The following PIP5K1A variants were observed in gnomAD, a reference collection of about 807,000 sequenced individuals.
The protein encoded by PIP5K1A is phosphatidylinositol 4-phosphate 5-kinase type-1 alpha.
A neutral mutation model predicts 72.9 loss-of-function variants in PIP5K1A; 46 were observed. That is an observed-to-expected ratio of 0.63 (90% confidence interval 0.50 to 0.81). PIP5K1A has a LOEUF of 0.81. Among genes scored for constraint, PIP5K1A ranks in the 30% least tolerant of loss-of-function variants. PIP5K1A has a pLI of 0.00. For missense variants in PIP5K1A, 458 were observed against 706.1 expected (o/e 0.65, Z 3.98); for synonymous variants, 228 against 255.1 (o/e 0.89, Z 1.01).
At chr1:151,223,089 C>T (rs1044801335) in intron 1 of PIP5K1A, among the ~76,000 whole-genome samples, 5 of 151,768 alleles carry the variant, frequency 3.3e-5, no homozygotes, top group South Asian at 2.1e-4. Context: ...AGTGGCTCAC[C>T]CCTGTGATCC....
chr1:151,206,111 A>G (rs1685892422), intron 1 of PIP5K1A, among the ~76,000 whole-genome samples: 1 of 152,032 alleles, frequency 6.6e-6, no homozygotes, highest in South Asian at 2.1e-4. Flanking sequence ...TATCTCCTAC[A>G]AGCTTTTATT....
rs754581117 is a variant in PIP5K1A, at chr1:151,236,785, AG to A, written c.1145+28del. 27 of 1,270,370 alleles carry A rather than the reference AG, an allele frequency of 2.1e-5. No homozygotes were observed. The African/African-American group carries it at 2.7e-4, about 13-fold the overall frequency. 78.7% of individuals were successfully genotyped at this position (1,270,370 alleles called of 1,614,324 possible). ...ACCAGTAAGTGGGCTCAGGGCCACT[AG>A]GGGGGAGAACATAGGCCCACAGCAC... On this transcript the variant is annotated intron_variant, in intron 9 of 15. Coordinates refer to ENST00000368888, the MANE Select transcript of PIP5K1A (RefSeq NM_001135638.2).
At chr1:151,195,600 A>G (rs587773183), upstream of PIP5K1A, among the ~76,000 whole-genome samples, 71 of 151,776 alleles carry the variant, frequency 4.7e-4, no homozygotes, top group Middle Eastern at 6.8e-3. Flanking sequence ...AAATATAAAA[A>G]ATTAGCTGGG....
At chr1:151,240,276 G>T (rs1352475611) in intron 12 of PIP5K1A, 2 of 496,628 alleles carry the variant, frequency 4.0e-6, no homozygotes, top group Non-Finnish European at 7.1e-6. Flanking sequence ...ACCATTTCTG[G>T]GGAATTGGGA....
At chr1:151,208,239 G>T (rs768572168) in intron 1 of PIP5K1A, among the ~76,000 whole-genome samples, 1 of 152,094 alleles carries the variant, frequency 6.6e-6, no homozygotes, top group Non-Finnish European at 1.5e-5. Context: ...TTGCTTTCAA[G>T]CTTTTGTTTC....
intron 1 of PIP5K1A, among the ~76,000 whole-genome samples, chr1:151,214,385 T>C (rs1447898961): frequency 6.6e-6 from 1 of 152,146 alleles, no homozygotes; most frequent in East Asian, 1.9e-4. Context: ...TGTTTTTGTT[T>C]TTGTTTTTGT....
intron 1 of PIP5K1A, among the ~76,000 whole-genome samples, chr1:151,205,409 C>A (rs1685790958): frequency 6.6e-6 from 1 of 152,054 alleles, no homozygotes; most frequent in South Asian, 2.1e-4. Context: ...CTCCTGGCCT[C>A]AAGCGATCCT....
chr1:151,242,426 T>C lies in PIP5K1A; in HGVS notation c.1511-12T>C. The C allele has an allele frequency of 6.2e-7, 1 of 1,611,532 alleles. No homozygotes were observed. The highest frequency in any genetic ancestry group is 8.5e-7 in the Non-Finnish European group (1 of 1,179,920). ...TATTTACTGTACCCCATCTTCTCTA[T>C]CTTTTTTCCAGGCGTTCACCTTGGT... On this transcript the variant is annotated splice_polypyrimidine_tract_variant and intron_variant, in intron 13 of 15. Coordinates refer to ENST00000368888, the MANE Select transcript of PIP5K1A (RefSeq NM_001135638.2).
intron 1 of PIP5K1A, among the ~76,000 whole-genome samples, chr1:151,222,905 C>T (rs947019625): frequency 1.3e-5 from 2 of 152,134 alleles, no homozygotes; most frequent in African/African-American, 4.8e-5. Flanking sequence ...TTGCTGTGAG[C>T]CTAACTTTGC....
intron 1 of PIP5K1A, among the ~76,000 whole-genome samples, chr1:151,200,868 C>T (rs189284186): frequency 6.6e-6 from 1 of 152,128 alleles, no homozygotes; most frequent in East Asian, 1.9e-4. Context: ...CTCGCTCTGT[C>T]GCCCAGGCTG....
rs587748960 is a variant in PIP5K1A, at chr1:151,234,122, G to C, written c.640-75G>C. On this transcript the variant is annotated intron_variant, in intron 7 of 15. Coordinates refer to ENST00000368888, the MANE Select transcript of PIP5K1A (RefSeq NM_001135638.2). ...ATAGGAGATAAAGGGAGGATGGGTG[G>C]TAACTTTTACTGGTGAGTTTCACTG... The C allele has an allele frequency of 8.9e-6, 10 of 1,123,496 alleles. No homozygotes were observed. The African/African-American group carries it at 1.4e-4, about 16-fold the overall frequency. 69.6% of individuals were successfully genotyped at this position (1,123,496 alleles called of 1,614,324 possible).
intron 1 of PIP5K1A, among the ~76,000 whole-genome samples, chr1:151,219,654 A>C (rs1231736913): frequency 2.0e-5 from 3 of 151,854 alleles, no homozygotes; most frequent in Non-Finnish European, 4.4e-5. Context: ...AGATTGTACC[A>C]TTGCCCTCCA....
chr1:151,228,821 A>G (rs185717706), intron 4 of PIP5K1A, among the ~76,000 whole-genome samples: 1 of 152,288 alleles, frequency 6.6e-6, no homozygotes, highest in East Asian at 1.9e-4. Flanking sequence ...TTCTCAGTCA[A>G]GGACCTGACA....
intron 14 of PIP5K1A, among the ~76,000 whole-genome samples, 161 bp from the exon 15 acceptor site, chr1:151,246,757 CAG>C (rs1311643257): frequency 6.6e-6 from 1 of 152,174 alleles, no homozygotes; most frequent in Non-Finnish European, 1.5e-5. Flanking sequence ...TTAATTAAAA[CAG>C]TGTGCTTCTA....
intron 5 of PIP5K1A, 131 bp downstream of exon 5, chr1:151,231,932 G>A (rs1570941491): frequency 6.0e-6 from 5 of 827,982 alleles, no homozygotes; most frequent in Non-Finnish European, 1.0e-5. Context: ...CAATCAGGGC[G>A]ATGTGGGACT....
intron 1 of PIP5K1A, 103 bp downstream of exon 1, chr1:151,199,184 A>AC (rs757636524): frequency 1.3e-5 from 20 of 1,583,402 alleles, no homozygotes; most frequent in Non-Finnish European, 1.6e-5. Flanking sequence ...CCTACGTGTT[A>AC]CCGGTAAGTG....
chr1:151,198,777 G>C lies in PIP5K1A; in HGVS notation c.-220G>C. ...TGGAAAGCGGTTAAACTTGTGGAGG[G>C]GGTGCGGGACGTGAGTTCTTCCCCA... On this transcript the variant is annotated 5_prime_UTR_variant, in exon 1 of 16. Transcript: ENST00000368888. 1 of 629,944 alleles carries C rather than the reference G, an allele frequency of 1.6e-6. No individual in the cohort carries two copies. The highest frequency in any genetic ancestry group is 2.7e-5 in the Admixed American group (1 of 37,178). 39.0% of individuals were successfully genotyped at this position (629,944 alleles called of 1,614,324 possible). A position where few individuals can be genotyped will look rare whatever the true frequency, so the allele number is the denominator to read the frequency against.
At chr1:151,235,745 A>C (rs1690755875) in intron 8 of PIP5K1A, among the ~76,000 whole-genome samples, 1 of 152,240 alleles carries the variant, frequency 6.6e-6, no homozygotes, top group African/African-American at 2.4e-5. Context: ...ACATGGAAAG[A>C]ACAAAGATGG....
intron 9 of PIP5K1A, among the ~76,000 whole-genome samples, 195 bp downstream of exon 9, chr1:151,236,958 G>A (rs587602288): frequency 2.6e-4 from 40 of 151,124 alleles, no homozygotes; most frequent in African/African-American, 9.7e-4. Context: ...CTCCTGAGTA[G>A]CTGTGACTAC....
Sources: gnomAD v4.1 joint callset for allele counts (sites outside exome capture counted in the v4.1 genomes callset) on GRCh38, gnomAD v4.1.1 for gene constraint, MANE v1.5 for transcripts, NCBI Gene and HGNC (gene_info 2026-07-23, HGNC 2026-07-21) for gene names.